TEAD1: variants seen among roughly 807,000 people sequenced by gnomAD.
TEAD1 encodes the protein TEA domain transcription factor 1.
In TEAD1, 9 loss-of-function variants were observed where a neutral mutation model predicts 54.9. That is an observed-to-expected ratio of 0.16 (90% CI 0.10 to 0.29). The LOEUF is 0.29. Among genes scored for constraint, TEAD1 ranks in the 10% least tolerant of loss-of-function variants. TEAD1 has a pLI of 1.00. For missense variants in TEAD1, 387 were observed against 535.9 expected, an observed-to-expected ratio of 0.72 and a Z score of 2.74; for synonymous variants, 200 against 187.8, an observed-to-expected ratio of 1.07 and a Z score of -0.53.
chr11:12,700,183 G>A (rs1165046095), intron 2 of TEAD1, among the ~76,000 whole-genome samples: 1 of 152,092 alleles, frequency 6.6e-6, no homozygotes, highest in Non-Finnish European at 1.5e-5. Context: ...AGATAAATTA[G>A]CATCACCCAT....
intron 2 of TEAD1, among the ~76,000 whole-genome samples, chr11:12,712,157 T>C (rs535341257): frequency 7.9e-5 from 12 of 152,316 alleles, no homozygotes; most frequent in Non-Finnish European, 1.5e-4. Flanking sequence ...GTCACCCTTG[T>C]CCTCAAATAT....
intron 5 of TEAD1, among the ~76,000 whole-genome samples, chr11:12,866,809 G>A (rs1459148356): frequency 1.3e-5 from 2 of 152,216 alleles, no homozygotes; most frequent in Non-Finnish European, 2.9e-5. Flanking sequence ...CCAACTGAGT[G>A]TTCCAGGCAT....
At chr11:12,716,440 C>T (rs1429136031) in intron 2 of TEAD1, among the ~76,000 whole-genome samples, 1 of 152,206 alleles carries the variant, frequency 6.6e-6, no homozygotes, top group Non-Finnish European at 1.5e-5. Context: ...GGACCTGAAC[C>T]TGTGATCAAG....
At chr11:12,809,498 G>A (rs1051355908) in intron 3 of TEAD1, among the ~76,000 whole-genome samples, 1 of 152,170 alleles carries the variant, frequency 6.6e-6, no homozygotes, top group African/African-American at 2.4e-5. Flanking sequence ...TTGGAAGAAT[G>A]TCACTGATGG....
At chr11:12,934,649 A>G (rs1031332469) in intron 12 of TEAD1, among the ~76,000 whole-genome samples, 2 of 151,980 alleles carry the variant, frequency 1.3e-5, no homozygotes, top group Non-Finnish European at 2.9e-5. Context: ...TGAGTTTAAG[A>G]CTTTATGGCC....
At chr11:12,907,755 A>G (rs1948545759) in intron 10 of TEAD1, among the ~76,000 whole-genome samples, 1 of 152,226 alleles carries the variant, frequency 6.6e-6, no homozygotes, top group Admixed American at 6.5e-5. Flanking sequence ...ACATGAAGAA[A>G]TCAAACCATA....
intron 3 of TEAD1, among the ~76,000 whole-genome samples, chr11:12,790,646 G>A (rs1590154616): frequency 6.6e-6 from 1 of 152,186 alleles, no homozygotes; most frequent in South Asian, 2.1e-4. Flanking sequence ...GTTCATTTGT[G>A]TATCTTTATT....
chr11:12,844,679 G>C (rs1008862261), intron 3 of TEAD1, among the ~76,000 whole-genome samples: 1 of 152,148 alleles, frequency 6.6e-6, no homozygotes, highest in Non-Finnish European at 1.5e-5. Flanking sequence ...TAAACCTCTT[G>C]TAACTGCTAA....
intron 2 of TEAD1, among the ~76,000 whole-genome samples, chr11:12,699,409 T>G (rs1370806210): frequency 6.6e-6 from 1 of 152,226 alleles, no homozygotes; most frequent in Non-Finnish European, 1.5e-5. Flanking sequence ...GGAGTTGTAT[T>G]ACATTTGTAG....
intron 2 of TEAD1, among the ~76,000 whole-genome samples, chr11:12,678,660 C>T (rs1164412038): frequency 1.3e-5 from 2 of 152,146 alleles, no homozygotes; most frequent in African/African-American, 4.8e-5. Flanking sequence ...CAGGGAAGTT[C>T]TGGGGCTTCC....
chr11:12,937,411 C>G lies in TEAD1; in HGVS notation c.*189C>G. On this transcript the variant is annotated 3_prime_UTR_variant, in exon 13 of 13. Transcript: ENST00000527636. The stretch of plus-strand genomic sequence containing the variant: ...TCATTTTTTCATGTGTTCATACTAT[C>G]ATTGTAGCTGTGAAGTTCTGGTACA... 2 of 513,802 alleles carry G rather than the reference C, an allele frequency of 3.9e-6. No individual in the cohort carries two copies. Among genetic ancestry groups the G allele is most frequent in the Non-Finnish European group, 3.5e-6 (1 of 282,776 alleles). 31.8% of individuals were successfully genotyped at this position (513,802 alleles called of 1,614,324 possible). A position where few individuals can be genotyped will look rare whatever the true frequency, so the allele number is the denominator to read the frequency against.
intron 5 of TEAD1, chr11:12,865,119 G>A (rs1055553090): frequency 1.6e-6 from 1 of 621,172 alleles, no homozygotes; most frequent in Non-Finnish European, 2.9e-6. Flanking sequence ...GTGTGTGTGT[G>A]CGTGTGTATG....
At chr11:12,743,044 G>C (rs1343602946) in intron 2 of TEAD1, among the ~76,000 whole-genome samples, 1 of 152,208 alleles carries the variant, frequency 6.6e-6, no homozygotes, top group African/African-American at 2.4e-5. Context: ...TTGGTTTTCA[G>C]AGTCTGATTA....
At chr11:12,878,888 G>A in intron 5 of TEAD1, 1 of 1,285,334 alleles carries the variant, frequency 7.8e-7, no homozygotes, top group Non-Finnish European at 1.0e-6. Context: ...ATTGTATCCA[G>A]GTAACAAGCA....
chr11:12,894,790 G>C (rs943859298), intron 9 of TEAD1, among the ~76,000 whole-genome samples: 1 of 152,062 alleles, frequency 6.6e-6, no homozygotes. Flanking sequence ...ACATTATTTC[G>C]TCCAAAGTAA....
chr11:12,840,730 A>G (rs1466182249), intron 3 of TEAD1, among the ~76,000 whole-genome samples: 1 of 152,164 alleles, frequency 6.6e-6, no homozygotes, highest in African/African-American at 2.4e-5. Flanking sequence ...AGAAAAACTA[A>G]GGCATAGACT....
chr11:12,923,063 T>C (rs990010873), intron 10 of TEAD1: 1 of 151,858 alleles, frequency 6.6e-6, no homozygotes, highest in African/African-American at 2.4e-5. Context: ...ACTGCTATAA[T>C]GGCCTCCTAG....
chr11:12,701,206 C>A (rs1165880610), intron 2 of TEAD1, among the ~76,000 whole-genome samples: 1 of 152,082 alleles, frequency 6.6e-6, no homozygotes, highest in Non-Finnish European at 1.5e-5. Flanking sequence ...ACACTGGGAA[C>A]TGTTTACTTA....
intron 9 of TEAD1, among the ~76,000 whole-genome samples, chr11:12,886,411 A>G (rs1948087673): frequency 6.6e-6 from 1 of 152,228 alleles, no homozygotes; most frequent in African/African-American, 2.4e-5. Context: ...TGAGAAAGAT[A>G]GTTATATTTT....
Sources: gnomAD v4.1 joint callset for allele counts (sites outside exome capture counted in the v4.1 genomes callset) on GRCh38, gnomAD v4.1.1 for gene constraint, MANE v1.5 for transcripts, NCBI Gene and HGNC (gene_info 2026-07-23, HGNC 2026-07-21) for gene names.